CREB3L1: variants seen among roughly 807,000 people sequenced by gnomAD.
The protein encoded by CREB3L1 is cyclic AMP-responsive element-binding protein 3-like protein 1.
In CREB3L1, 33 loss-of-function variants were observed where a neutral mutation model predicts 54.5. The observed-to-expected ratio is 0.61, with a 90% CI of 0.46 to 0.81. The LOEUF (loss-of-function observed/expected upper bound fraction) is 0.81, where lower values mean the gene tolerates loss of function less well. CREB3L1 is among the 30% of genes least tolerant of loss of function. The probability of loss-of-function intolerance (pLI) is 0.00; values close to 1 mark genes in which losing one functional copy is unlikely to be tolerated. For synonymous variants in CREB3L1, 284 were observed against 286.4 expected (o/e 0.99, Z 0.08); for missense variants, 656 against 673.3 (o/e 0.97, Z 0.29).
At chr11:46,291,598 G>T (rs1939131632) in intron 1 of CREB3L1, among the ~76,000 whole-genome samples, 1 of 152,176 alleles carries the variant, frequency 6.6e-6, no homozygotes. Flanking sequence ...TTCGAAAATT[G>T]TAATGATTTC....
In CREB3L1 at chr11:46,320,380, G is replaced by A; in HGVS notation, c.1375G>A (p.Ala459Thr). The change falls in exon 11 of 12, where the codon GCA becomes ACA. Residue 459 changes from alanine (A) to threonine (T), a missense_variant. Transcript: ENST00000621158. ...CTGGGAAATCAACCCCGGGGGGCCG[G>A]CAGAGCAGCGGCCCCGGGACCACCT... ...DGWEINPGGP[A>T]EQRPRDHLQH... is the part of the protein sequence containing the mutation. 1 of 1,610,528 alleles carries A rather than the reference G, an allele frequency of 6.2e-7. No individual in the cohort carries two copies. The highest frequency in any genetic ancestry group is 1.7e-5 in the Admixed American group (1 of 59,450).
chr11:46,306,775 CT>C (rs796296141), intron 2 of CREB3L1, among the ~76,000 whole-genome samples: 116 of 144,242 alleles, frequency 8.0e-4, no homozygotes, highest in Admixed American at 1.0e-3. Flanking sequence ...AACACTTACT[CT>C]TTTTTTTTTT....
chr11:46,316,741 T>C (rs904250837), intron 9 of CREB3L1, among the ~76,000 whole-genome samples: 4 of 152,120 alleles, frequency 2.6e-5, no homozygotes, highest in Admixed American at 6.5e-5. Context: ...TGGTTCTTTC[T>C]GGAACAGATG....
chr11:46,305,747 T>TATATA lies in CREB3L1; in HGVS notation c.332-2069_332-2068insATATA, dbSNP rs1335069272. 3.4e-3 allele frequency among the ~76,000 whole-genome samples: 412 copies of TATATA among 122,206 alleles called. 2 individuals carry two copies. Among genetic ancestry groups the TATATA allele is most frequent in the African/African-American group, 0.016 (344 of 21,418 alleles). 80.2% of individuals were successfully genotyped at this position (122,206 alleles called of 152,430 possible). On this transcript the variant is annotated intron_variant, in intron 2 of 11. Coordinates refer to ENST00000621158, the MANE Select transcript of CREB3L1 (RefSeq NM_052854.4). ...GTGTGTGTGTGTATATATATATATA[T>TATATA]TTTTTTTTAAGACGGAGTCTCGCTC...
intron 3 of CREB3L1, among the ~76,000 whole-genome samples, chr11:46,308,480 T>A: frequency 6.6e-6 from 1 of 152,248 alleles, no homozygotes; most frequent in East Asian, 1.9e-4. Context: ...TCCACCAATG[T>A]GTAGATGACA....
intron 1 of CREB3L1, among the ~76,000 whole-genome samples, chr11:46,284,742 T>C (rs1181607365): frequency 1.3e-5 from 2 of 151,924 alleles, no homozygotes; most frequent in African/African-American, 4.8e-5. Flanking sequence ...CATTGTGCAC[T>C]CTGCTCAAGG....
chr11:46,311,104 G>A lies in CREB3L1; in HGVS notation c.668G>A (p.Arg223His), dbSNP rs771754544. 15 of 1,608,014 alleles carry A rather than the reference G, an allele frequency of 9.3e-6. No homozygotes were observed. The highest frequency in any genetic ancestry group is 1.7e-4 in the Middle Eastern group (1 of 6,048). The change falls in exon 5 of 12, where the codon CGC becomes CAC. Residue 223 changes from arginine (R) to histidine (H), a missense_variant. Around this residue, in one of 3 missense-constraint regions of CREB3L1, gnomAD observed 339 missense variants for 331.5 expected, o/e 1.02. Coordinates refer to ENST00000621158, the MANE Select transcript of CREB3L1 (RefSeq NM_052854.4). ...GSDSDGSQSP[R>H]SLPPSSPVRP... is the part of the protein sequence containing the mutation. Reference sequence around the variant, plus strand: ...GACAGCGACGGCTCCCAGAGTCCCCGCTCTCTGCCCCCCTCCAGCCCTGTC... The same window carrying A: ...GACAGCGACGGCTCCCAGAGTCCCCACTCTCTGCCCCCCTCCAGCCCTGTC...
intron 6 of CREB3L1, 56 bp downstream of exon 6, chr11:46,312,530 G>A (rs575008326): frequency 8.8e-5 from 142 of 1,609,788 alleles, no homozygotes; most frequent in Non-Finnish European, 1.1e-4. Flanking sequence ...GGGCTCCCCT[G>A]GCATACCAGC....
At chr11:46,304,936 T>C (rs1939357433) in intron 2 of CREB3L1, among the ~76,000 whole-genome samples, 1 of 152,148 alleles carries the variant, frequency 6.6e-6, no homozygotes, top group Non-Finnish European at 1.5e-5. Flanking sequence ...CCAGGCCCTG[T>C]AATTTGGGAA....
chr11:46,312,526 C>T, intron 6 of CREB3L1, 52 bp downstream of exon 6: 1 of 1,609,630 alleles, frequency 6.2e-7, no homozygotes, highest in Non-Finnish European at 8.5e-7. Flanking sequence ...GGGTGGGCTC[C>T]CCTGGCATAC....
chr11:46,305,678 GTGTGTGTA>G (rs1939380079), intron 2 of CREB3L1, among the ~76,000 whole-genome samples: 1 of 118,354 alleles, frequency 8.4e-6, no homozygotes, highest in African/African-American at 3.7e-5. Context: ...ATATATGTGT[GTGTGTGTA>G]TATATGTGTG....
rs1939480234 is a variant in CREB3L1, at chr11:46,311,180, T to G, written c.744T>G (p.Thr248=). The G allele has an allele frequency of 6.3e-7, 1 of 1,586,608 alleles. No homozygotes were observed. Among genetic ancestry groups the G allele is most frequent in the East Asian group, 2.3e-5 (1 of 44,072 alleles). The change falls in exon 5 of 12, where the codon ACT becomes ACG. Residue 248 remains threonine (T), a synonymous_variant. Coordinates refer to ENST00000621158, the MANE Select transcript of CREB3L1 (RefSeq NM_052854.4). The part of the protein sequence containing the change: ...STAISTSPLL[T]APHKLQGTSG... ...CCATCTCCACCTCCCCACTCCTCAC[T>G]GCCCCTCACGTAAGGAGCTGGGGGT...
chr11:46,321,077 A>C lies in CREB3L1; in HGVS notation c.*331A>C. ...CCAAACAGACACATCAACGCACCCC[A>C]CTCACAGACACCCCTTACCCCACCC... On this transcript the variant is annotated 3_prime_UTR_variant, in exon 12 of 12. Coordinates refer to ENST00000621158, the MANE Select transcript of CREB3L1 (RefSeq NM_052854.4). 1 of 552,694 alleles carries C rather than the reference A, an allele frequency of 1.8e-6. No homozygotes were observed. Among genetic ancestry groups the C allele is most frequent in the East Asian group, 3.1e-5 (1 of 32,192 alleles). The allele number at this position is 552,694 out of a possible 1,614,324, so 34.2% of individuals were successfully genotyped here.
At position 46,278,276 on chromosome 11, in the gene CREB3L1, G is replaced by T; in HGVS notation, c.102+63G>T. 1.8e-6 allele frequency: 2 copies of T among 1,095,652 alleles called. No homozygotes were observed. The allele number at this position is 1,095,652 out of a possible 1,614,324, so 67.9% of individuals were successfully genotyped here. ...GCACCCGTCCTCGCGGCGCGCCTGG[G>T]CCCCTAGAAGGACCCGACTACACAT... On this transcript the variant is annotated intron_variant, in intron 1 of 11. Coordinates refer to ENST00000621158, the MANE Select transcript of CREB3L1 (RefSeq NM_052854.4). The surrounding 1 kb of genome is among the most constrained non-coding windows in gnomAD (Gnocchi z 4.2).
intron 1 of CREB3L1, among the ~76,000 whole-genome samples, chr11:46,299,727 T>A (rs2136345157): frequency 6.6e-6 from 1 of 152,156 alleles, no homozygotes; most frequent in South Asian, 2.1e-4. Flanking sequence ...GTGGTAACGG[T>A]CATGATGGAA....
chr11:46,307,806 C>T lies in CREB3L1; in HGVS notation c.332-10C>T, dbSNP rs1254629925. On this transcript the variant is annotated splice_polypyrimidine_tract_variant and intron_variant, in intron 2 of 11. Transcript: ENST00000621158. ...CCCTAGAGTCCCCTGAGCCTTTCCC[C>T]TTCCCCTAGATGCAGAGCATGGAGC... 3 of 1,548,516 alleles carry T rather than the reference C, an allele frequency of 1.9e-6. No individual in the cohort carries two copies. The Admixed American group carries it at 5.9e-5, about 31-fold the overall frequency.
At chr11:46,304,698 G>A (rs1939353688) in intron 2 of CREB3L1, among the ~76,000 whole-genome samples, 1 of 147,644 alleles carries the variant, frequency 6.8e-6, no homozygotes, top group Non-Finnish European at 1.5e-5. Context: ...TTTTGGGGGG[G>A]GCGGGCAGGG....
chr11:46,321,107 T>C lies in CREB3L1; in HGVS notation c.*361T>C, dbSNP rs1939647140. On this transcript the variant is annotated 3_prime_UTR_variant, in exon 12 of 12. Transcript: ENST00000621158. ...CAGACACCCCTTACCCCACCCCCAC[T>C]GTACAGAGACCAAGAACAGAAATTG... The C allele has an allele frequency of 5.9e-6, 3 of 509,404 alleles. No individual in the cohort carries two copies. Among genetic ancestry groups the C allele is most frequent in the Non-Finnish European group, 1.1e-5 (3 of 277,196 alleles). The allele number at this position is 509,404 out of a possible 1,614,324, so 31.6% of individuals were successfully genotyped here. A position where few individuals can be genotyped will look rare whatever the true frequency, so the allele number is the denominator to read the frequency against.
At chr11:46,316,143 G>A (rs968369468) in intron 8 of CREB3L1, 143 bp from the exon 9 acceptor site, 15 of 605,402 alleles carry the variant, frequency 2.5e-5, no homozygotes, top group African/African-American at 7.5e-5. Context: ...GAGGAGCCAC[G>A]CAGGAGGTGA....
Sources: gnomAD v4.1 joint callset for allele counts (sites outside exome capture counted in the v4.1 genomes callset) on GRCh38, gnomAD v4.1.1 for gene constraint, gnomAD v4.1.1 regional missense constraint, Gnocchi (gnomAD v3.1) non-coding constraint, MANE v1.5 for transcripts, NCBI Gene and HGNC (gene_info 2026-07-23, HGNC 2026-07-21) for gene names.